HAUS7: variants seen among roughly 807,000 people sequenced by gnomAD.
HAUS7 encodes the protein HAUS augmin-like complex subunit 7.
HAUS7 carries 3 observed loss-of-function variants against 28.4 expected under a neutral mutation model. The ratio of observed to expected loss-of-function variants is 0.11; its 90% CI spans 0.05 to 0.27. The LOEUF is 0.27. HAUS7 is among the 10% of genes least tolerant of loss of function. HAUS7 has a pLI of 1.00. For missense variants in HAUS7, 284 were observed against 297.3 expected (o/e 0.96, Z 0.33); for synonymous variants, 165 against 132.1 (o/e 1.25, Z -1.71).
rs781947009 is a variant in HAUS7 at position 153,456,330 on chromosome X, T to TCTC, written c.637_639dup (p.Glu213dup). 6 of 1,210,908 alleles carry TCTC rather than the reference T, an allele frequency of 5.0e-6. No individual in the cohort carries two copies. The South Asian group carries it at 1.1e-4, about 21-fold the overall frequency. Reference sequence around the variant, plus strand: ...AGCTGCCTGGCAAGCTCCGCCAGCTTCTCCTCCTCCTCGGACTTGGCAGAG... The same window carrying TCTC: ...AGCTGCCTGGCAAGCTCCGCCAGCTTCTCCTCCTCCTCCTCGGACTTGGCAGAG... On this transcript the variant is annotated inframe_insertion, in exon 7 of 10. Transcript: ENST00000370211.
intron 7 of HAUS7, 32 bp from the exon 8 acceptor site, chrX:153,455,798 T>C: frequency 1.1e-6 from 1 of 941,115 alleles, no homozygotes; most frequent in Non-Finnish European, 1.5e-6. Context: ...CCCTTGAGGC[T>C]GCCCTGCCCA....
At chrX:153,451,979 A>G (rs1165296884) in intron 9 of HAUS7, among the ~76,000 whole-genome samples, 5 of 112,400 alleles carry the variant, frequency 4.4e-5, no homozygotes, top group African/African-American at 1.3e-4. Context: ...AAAGCTCCCA[A>G]TGGAATAAAT....
chrX:153,470,869 G>A (rs782595822), upstream of HAUS7: 181 of 366,606 alleles, frequency 4.9e-4, 2 homozygotes, highest in South Asian at 4.7e-3. Context: ...GGGCGGGGCG[G>A]ACACCGGGAA....
intron 3 of HAUS7, among the ~76,000 whole-genome samples, chrX:153,464,419 G>C (rs2089431818): frequency 8.9e-6 from 1 of 112,547 alleles, no homozygotes; most frequent in South Asian, 3.6e-4. Context: ...GGCAATGCCA[G>C]CTGGGGCACG....
chrX:153,483,293 C>G, intron 1 of HAUS7: 5 of 754,428 alleles, frequency 6.6e-6, no homozygotes, highest in Non-Finnish European at 7.8e-6. Flanking sequence ...CAACCCCTGA[C>G]CCCGACCCTA....
In HAUS7 at chrX:153,452,667, C is replaced by G. The variant is rs7053656; in HGVS notation, c.1045+1727G>C. On this transcript the variant is annotated intron_variant, in intron 9 of 9. Transcript: ENST00000370211. ...CTAACTGTAATTCTAAAGCCAACCA[C>G]TTAAAAAATAACTTTAAAAAACAGA... Among the ~76,000 whole-genome samples, 279 of 112,153 alleles carry G rather than the reference C, an allele frequency of 2.5e-3. 3 individuals carry two copies. Among genetic ancestry groups the G allele is most frequent in the African/African-American group, 8.7e-3 (267 of 30,863 alleles).
At chrX:153,454,572 G>A (rs932521059) in intron 8 of HAUS7, 64 bp from the exon 9 acceptor site, 4 of 626,927 alleles carry the variant, frequency 6.4e-6, no homozygotes, top group Non-Finnish European at 1.0e-5. Context: ...AATGCCGCTG[G>A]TCTCACGTAG....
chrX:153,464,863 G>C (rs1203030432), intron 3 of HAUS7, 125 bp downstream of exon 3: 21 of 524,988 alleles, frequency 4.0e-5, no homozygotes, highest in Non-Finnish European at 7.1e-5. Context: ...TGGGGTTCAA[G>C]AAGGCTCTAG....
At chrX:153,486,946 A>C in intron 1 of HAUS7, 2 of 517,999 alleles carry the variant, frequency 3.9e-6, no homozygotes, top group Non-Finnish European at 5.5e-6. Flanking sequence ...CCCACTTCCC[A>C]TTGACTGGTG....
At chrX:153,464,090 C>A (rs1340890313) in intron 3 of HAUS7, among the ~76,000 whole-genome samples, 2 of 112,808 alleles carry the variant, frequency 1.8e-5, no homozygotes, top group Non-Finnish European at 3.8e-5. Flanking sequence ...CCCTACTGGT[C>A]CTGGTCTCTC....
intron 1 of HAUS7, chrX:153,479,435 T>C: frequency 1.4e-6 from 1 of 720,105 alleles, no homozygotes; most frequent in Non-Finnish European, 1.6e-6. Flanking sequence ...GCTGTCCACC[T>C]CAGGCCCACT....
chrX:153,456,293 G>A lies in HAUS7; in HGVS notation c.677C>T (p.Ala226Val). The A allele has an allele frequency of 8.3e-7, 1 of 1,210,308 alleles. No homozygotes were observed. Among genetic ancestry groups the A allele is most frequent in the Non-Finnish European group, 1.1e-6 (1 of 894,180 alleles). ...AELARQLQES[A>V]AKLHALRTEY... ...CGTTCTAAGCGCGTGCAACTTGGCA[G>A]CACTCTCCTGCAGCTGCCTGGCAAG... The change falls in exon 7 of 10, where the codon GCT (alanine) becomes GTT (valine). Residue 226 changes from alanine to valine, a missense_variant. Ala to Val is a moderately conservative substitution (Grantham distance 64). Transcript: ENST00000370211.
At chrX:153,486,855 G>A (rs1556988711) in intron 1 of HAUS7, 4 of 953,731 alleles carry the variant, frequency 4.2e-6, no homozygotes, top group Middle Eastern at 3.1e-4. Context: ...CTTCTCGAGG[G>A]GGTGGAGGGG....
At chrX:153,470,604 C>T (rs781885879), upstream of HAUS7, 31 of 1,189,735 alleles carry the variant, frequency 2.6e-5, no homozygotes, top group Admixed American at 6.6e-5. Flanking sequence ...GCTTCACTGG[C>T]CGGCAAGACC....
chrX:153,486,989 G>A (rs1332037643), intron 1 of HAUS7: 2 of 315,665 alleles, frequency 6.3e-6, no homozygotes, highest in South Asian at 3.4e-5. Flanking sequence ...GCCCAGGGGC[G>A]AAAGGTGGCA....
intron 9 of HAUS7, among the ~76,000 whole-genome samples, chrX:153,452,339 A>C (rs1248645124): frequency 1.8e-5 from 2 of 111,883 alleles, no homozygotes; most frequent in Non-Finnish European, 3.8e-5. Flanking sequence ...AAAGAACTCC[A>C]ACAAAGGTAA....
chrX:153,457,443 C>T (rs1715362326), intron 4 of HAUS7, among the ~76,000 whole-genome samples: 1 of 113,299 alleles, frequency 8.8e-6, no homozygotes, highest in Non-Finnish European at 1.9e-5. Flanking sequence ...GATGCTGGGA[C>T]CACACGCCAG....
At chrX:153,463,069 G>A (rs1198170012) in intron 3 of HAUS7, 6 of 347,205 alleles carry the variant, frequency 1.7e-5, no homozygotes, top group South Asian at 5.2e-5. Flanking sequence ...AAGGACCTTC[G>A]TGCCATCATC....
intron 1 of HAUS7, chrX:153,486,548 GTC>G (rs2089639268): frequency 1.3e-6 from 1 of 758,936 alleles, no homozygotes; most frequent in East Asian, 8.1e-5. Context: ...CAGGGCAGGG[GTC>G]TCTGTCTCTT....
Sources: allele counts gnomAD v4.1 joint callset (sites outside exome capture counted in the v4.1 genomes callset), GRCh38; gene constraint gnomAD v4.1.1; transcripts MANE v1.5; gene names NCBI Gene and HGNC (gene_info 2026-07-23, HGNC 2026-07-21).